The following CNTNAP2 variants were observed in gnomAD, a reference collection of about 807,000 sequenced individuals.
The protein encoded by CNTNAP2 is contactin associated protein 2.
A neutral mutation model predicts 155.2 loss-of-function variants in CNTNAP2; 98 were observed. That is an observed-to-expected ratio of 0.63 (90% CI 0.54 to 0.75). The LOEUF (loss-of-function observed/expected upper bound fraction) is 0.75, where lower values mean the gene tolerates loss of function less well. Among genes scored for constraint, CNTNAP2 ranks in the 30% least tolerant of loss-of-function variants. The pLI is 0.00. For missense variants in CNTNAP2, 1,727 were observed against 1,688.1 expected (o/e 1.02, Z -0.40); for synonymous variants, 651 against 631.2 (o/e 1.03, Z -0.47).
At chr7:146,643,775 G>T (rs1347582028) in intron 1 of CNTNAP2, among the ~76,000 whole-genome samples, 1 of 152,030 alleles carries the variant, frequency 6.6e-6, no homozygotes, top group Non-Finnish European at 1.5e-5. Context: ...TCATGATATT[G>T]ATTCTTCCTA....
At chr7:146,523,554 G>C (rs1427846057) in intron 1 of CNTNAP2, among the ~76,000 whole-genome samples, 1 of 151,816 alleles carries the variant, frequency 6.6e-6, no homozygotes, top group South Asian at 2.1e-4. Context: ...TTACAATAAG[G>C]TTTATTATTT....
intron 9 of CNTNAP2, among the ~76,000 whole-genome samples, chr7:147,372,927 T>C (rs1796371507): frequency 6.6e-6 from 1 of 152,046 alleles, no homozygotes; most frequent in Non-Finnish European, 1.5e-5. Flanking sequence ...TCACTTCCTC[T>C]CTGTCTCCCC....
At chr7:146,825,248 A>G (rs1330834341) in intron 2 of CNTNAP2, among the ~76,000 whole-genome samples, 1 of 152,126 alleles carries the variant, frequency 6.6e-6, no homozygotes, top group African/African-American at 2.4e-5. Context: ...CCTCTTTATC[A>G]AAACAGATAC....
intron 18 of CNTNAP2, among the ~76,000 whole-genome samples, chr7:148,215,137 A>G (rs544121949): frequency 6.6e-6 from 1 of 152,352 alleles, no homozygotes; most frequent in East Asian, 1.9e-4. Context: ...ATGTGTCAAC[A>G]TAATTAACAG....
intron 15 of CNTNAP2, among the ~76,000 whole-genome samples, chr7:148,036,555 C>T (rs2527062): frequency 0.36 from 53,959 of 151,870 alleles, 10,307 homozygotes; most frequent in East Asian, 0.75. Flanking sequence ...AAGGCCCTCA[C>T]AAGACACGGA....
intron 13 of CNTNAP2, among the ~76,000 whole-genome samples, chr7:147,816,859 A>C (rs891659776): frequency 8.2e-6 from 1 of 121,594 alleles, no homozygotes; most frequent in African/African-American, 2.7e-5. Flanking sequence ...ATAAAATATT[A>C]AAAAGAACTA....
At chr7:147,545,889 A>G (rs983028865) in intron 11 of CNTNAP2, among the ~76,000 whole-genome samples, 2 of 152,080 alleles carry the variant, frequency 1.3e-5, no homozygotes, top group Non-Finnish European at 1.5e-5. Context: ...CCCCTATACT[A>G]TTCTCGTGGT....
At chr7:146,270,095 T>A (rs1800056742) in intron 1 of CNTNAP2, among the ~76,000 whole-genome samples, 1 of 152,194 alleles carries the variant, frequency 6.6e-6, no homozygotes, top group Non-Finnish European at 1.5e-5. Context: ...GTCTTCTAAC[T>A]GGACTTTCTC....
intron 1 of CNTNAP2, among the ~76,000 whole-genome samples, chr7:146,270,711 G>A (rs1800068056): frequency 6.6e-6 from 1 of 151,990 alleles, no homozygotes; most frequent in Non-Finnish European, 1.5e-5. Flanking sequence ...ATTGTAAAAT[G>A]GTCTCTTAAA....
At chr7:147,119,086 G>A (rs1410964415) in intron 5 of CNTNAP2, among the ~76,000 whole-genome samples, 1 of 152,056 alleles carries the variant, frequency 6.6e-6, no homozygotes, top group Non-Finnish European at 1.5e-5. Context: ...TTTGTTTTTT[G>A]TACACATAAA....
intron 1 of CNTNAP2, among the ~76,000 whole-genome samples, chr7:146,622,279 C>CTATA (rs3077441): frequency 4.0e-4 from 40 of 100,582 alleles, no homozygotes; most frequent in South Asian, 2.3e-3. Flanking sequence ...ATCTATCTAT[C>CTATA]TATATATATA....
chr7:147,234,126 A>G (rs1361243955), intron 8 of CNTNAP2, among the ~76,000 whole-genome samples: 1 of 151,946 alleles, frequency 6.6e-6, no homozygotes, highest in Non-Finnish European at 1.5e-5. Context: ...ATACTGAAGA[A>G]TAAACTTTTC....
intron 2 of CNTNAP2, among the ~76,000 whole-genome samples, chr7:146,831,346 G>T (rs1038286725): frequency 1.3e-5 from 2 of 152,050 alleles, no homozygotes; most frequent in Non-Finnish European, 2.9e-5. Context: ...GATAATGCCA[G>T]TCCTTGGGGT....
At chr7:147,284,169 T>C (rs1434482903) in intron 8 of CNTNAP2, among the ~76,000 whole-genome samples, 1 of 151,752 alleles carries the variant, frequency 6.6e-6, no homozygotes, top group Non-Finnish European at 1.5e-5. Flanking sequence ...ACGTGTTTTT[T>C]TCCCCCCAAA....
At chr7:148,048,799 C>T (rs1202885040) in intron 15 of CNTNAP2, among the ~76,000 whole-genome samples, 1 of 152,174 alleles carries the variant, frequency 6.6e-6, no homozygotes, top group East Asian at 1.9e-4. Context: ...CTTTCATGGG[C>T]TCCCCTTGAT....
chr7:146,682,578 A>G (rs1231353598), intron 1 of CNTNAP2, among the ~76,000 whole-genome samples: 1 of 152,206 alleles, frequency 6.6e-6, no homozygotes, highest in African/African-American at 2.4e-5. Flanking sequence ...TGCAAAGTAC[A>G]TACCAGAGAA....
chr7:147,724,466 C>T (rs1796614189), intron 13 of CNTNAP2, among the ~76,000 whole-genome samples: 1 of 152,020 alleles, frequency 6.6e-6, no homozygotes, highest in African/African-American at 2.4e-5. Context: ...ATCTCATATC[C>T]TAGTTTTGCC....
intron 22 of CNTNAP2, among the ~76,000 whole-genome samples, chr7:148,392,879 C>A (rs1305651387): frequency 4.8e-5 from 7 of 147,228 alleles, no homozygotes; most frequent in Non-Finnish European, 8.9e-5. Flanking sequence ...AACCCCATAC[C>A]CCCATTAGAC....
intron 1 of CNTNAP2, among the ~76,000 whole-genome samples, chr7:146,574,837 T>C (rs1018395929): frequency 1.3e-5 from 2 of 152,210 alleles, no homozygotes; most frequent in African/African-American, 4.8e-5. Flanking sequence ...GTGGGAACAG[T>C]AGATAATGAC....
Sources: gnomAD v4.1 joint callset for allele counts (sites outside exome capture counted in the v4.1 genomes callset) on GRCh38, gnomAD v4.1.1 for gene constraint, MANE v1.5 for transcripts, NCBI Gene and HGNC (gene_info 2026-07-23, HGNC 2026-07-21) for gene names.